The following CDH22 variants were observed in gnomAD, a reference collection of about 807,000 sequenced individuals.
CDH22 encodes the protein cadherin-22.
A neutral mutation model predicts 58.4 loss-of-function variants in CDH22; 30 were observed. The ratio of observed to expected loss-of-function variants is 0.51; its 90% CI spans 0.38 to 0.70. The LOEUF is 0.70. CDH22 is among the 30% of genes least tolerant of loss of function. The pLI, the probability that CDH22 is intolerant of heterozygous loss-of-function variation, is 0.00. For synonymous variants in CDH22, 513 were observed against 558.2 expected (o/e 0.92, Z 1.14); for missense variants, 1,014 against 1,233.9 (o/e 0.82, Z 2.67).
intron 6 of CDH22, among the ~76,000 whole-genome samples, chr20:46,212,669 T>C (rs2086051714): frequency 1.3e-5 from 2 of 152,106 alleles, no homozygotes; most frequent in South Asian, 4.1e-4. Context: ...GAGGGAAATA[T>C]GAGGATTAAA....
intron 4 of CDH22, among the ~76,000 whole-genome samples, chr20:46,217,327 C>A (rs2086093224): frequency 1.3e-5 from 2 of 152,140 alleles, no homozygotes; most frequent in Admixed American, 6.5e-5. Context: ...CAGATGTACA[C>A]ACATGCTCAT....
chr20:46,200,309 C>G (rs890676726), intron 7 of CDH22, among the ~76,000 whole-genome samples: 6 of 151,884 alleles, frequency 4.0e-5, no homozygotes, highest in African/African-American at 1.5e-4. Flanking sequence ...GGGTCTCACT[C>G]TGTTACCCTG....
chr20:46,237,321 C>T (rs1354933862), intron 3 of CDH22, among the ~76,000 whole-genome samples: 11 of 152,142 alleles, frequency 7.2e-5, no homozygotes, highest in Non-Finnish European at 8.8e-5. Flanking sequence ...GGAGGCCCCC[C>T]GGCACACTTC....
intron 1 of CDH22, among the ~76,000 whole-genome samples, chr20:46,262,882 C>G (rs1385756493): frequency 6.6e-6 from 1 of 152,212 alleles, no homozygotes; most frequent in Non-Finnish European, 1.5e-5. Flanking sequence ...ATTCATGCCT[C>G]TGGGCCTTTG....
chr20:46,258,588 C>T (rs558314060), intron 1 of CDH22, among the ~76,000 whole-genome samples: 2 of 152,324 alleles, frequency 1.3e-5, no homozygotes, highest in South Asian at 4.1e-4. Context: ...GCTCCTGTGA[C>T]CTGGCAGATC....
chr20:46,236,561 A>G (rs1403171662), intron 3 of CDH22, among the ~76,000 whole-genome samples: 2 of 138,976 alleles, frequency 1.4e-5, no homozygotes, highest in Non-Finnish European at 3.1e-5. Context: ...AAATATAAAA[A>G]TAAATATATA....
intron 1 of CDH22, among the ~76,000 whole-genome samples, chr20:46,254,659 G>A (rs1381999209): frequency 6.6e-6 from 1 of 152,114 alleles, no homozygotes; most frequent in African/African-American, 2.4e-5. Context: ...TAATTTCAGG[G>A]AGTGGTAAAC....
Position 46,178,072 on chromosome 20 carries a change from T to C in CDH22, c.1789A>G (p.Ile597Val). The change falls in exon 11 of 12, where the codon ATC (isoleucine) becomes GTC (valine). Residue 597 changes from isoleucine to valine, a missense_variant. This residue lies in a region of CDH22 where 806 missense variants were observed against 1,038.7 expected (regional missense o/e 0.78). Transcript: ENST00000537909. ...GAGCTGTCGCAGCCACAGATGCGGATGGTGAGCGTGCCTGTGCTGCTCAGT... is the reference window on the plus strand; with the variant it reads ...GAGCTGTCGCAGCCACAGATGCGGACGGTGAGCGTGCCTGTGCTGCTCAGT... ...PTLSSTGTLT[I>V]RICGCDSSGT... The C allele has an allele frequency of 6.2e-7, 1 of 1,614,070 alleles. No homozygotes were observed. The highest frequency in any genetic ancestry group is 8.5e-7 in the Non-Finnish European group (1 of 1,179,994).
At chr20:46,285,335 C>T (rs2086571505) in intron 1 of CDH22, among the ~76,000 whole-genome samples, 1 of 152,192 alleles carries the variant, frequency 6.6e-6, no homozygotes, top group Non-Finnish European at 1.5e-5. Flanking sequence ...CAATGTAGAC[C>T]TCTGCTGTGC....
chr20:46,270,138 G>A (rs905341661), intron 1 of CDH22, among the ~76,000 whole-genome samples: 1 of 152,176 alleles, frequency 6.6e-6, no homozygotes, highest in African/African-American at 2.4e-5. Context: ...TATTCAGAGA[G>A]CCTAGGGGAA....
intron 1 of CDH22, among the ~76,000 whole-genome samples, chr20:46,266,582 C>T (rs1038512885): frequency 1.3e-5 from 2 of 152,134 alleles, no homozygotes; most frequent in African/African-American, 2.4e-5. Flanking sequence ...TGCACATATT[C>T]GGGATAGTTA....
chr20:46,203,050 C>A (rs1263655446), intron 7 of CDH22, among the ~76,000 whole-genome samples: 1 of 152,196 alleles, frequency 6.6e-6, no homozygotes, highest in East Asian at 1.9e-4. Flanking sequence ...CTTCCTCCTT[C>A]TCCTTTGCCC....
Position 46,308,128 on chromosome 20 carries a change from G to T in CDH22, c.-400+127C>A, listed in dbSNP as rs1360854045. On this transcript the variant is annotated intron_variant, in intron 1 of 11. Coordinates refer to ENST00000537909, the MANE Select transcript of CDH22 (RefSeq NM_021248.3). The surrounding 1 kb of genome is among the most constrained non-coding windows in gnomAD (Gnocchi z 4.3). ...GCGCAGGCACCCCGGCTCCTCCTGC[G>T]GCTGGAGGCTCGCCCCCCGCGCCGC... 6.6e-6 allele frequency: 1 copy of T among 151,104 alleles called. No individual in the cohort carries two copies. Among genetic ancestry groups the T allele is most frequent in the Non-Finnish European group, 1.5e-5 (1 of 67,648 alleles). 9.4% of individuals were successfully genotyped at this position (151,104 alleles called of 1,614,324 possible).
At chr20:46,245,692 TC>T (rs1247471153) in intron 2 of CDH22, among the ~76,000 whole-genome samples, 3 of 152,116 alleles carry the variant, frequency 2.0e-5, no homozygotes, top group Non-Finnish European at 4.4e-5. Flanking sequence ...GTCATCAGAC[TC>T]CCCCAGTTGT....
chr20:46,234,116 C>T lies in CDH22; in HGVS notation c.551-6489G>A, dbSNP rs75837675. ...TTTAAGAATCAGATAGTGTGCTCTCCCAGTTTTACTTTCCTTCCCCTCTTG... is the reference window on the plus strand; with the variant it reads ...TTTAAGAATCAGATAGTGTGCTCTCTCAGTTTTACTTTCCTTCCCCTCTTG... On this transcript the variant is annotated intron_variant, in intron 3 of 11. Transcript: ENST00000537909. 6.1e-3 allele frequency among the ~76,000 whole-genome samples: 931 copies of T among 152,316 alleles called. 10 individuals carry two copies. The highest frequency in any genetic ancestry group is 0.021 in the African/African-American group (886 of 41,552).
chr20:46,206,421 CT>C, intron 7 of CDH22, among the ~76,000 whole-genome samples: 1 of 152,238 alleles, frequency 6.6e-6, no homozygotes, highest in Non-Finnish European at 1.5e-5. Context: ...GAAAAAATCT[CT>C]CTGTACTGTC....
intron 3 of CDH22, among the ~76,000 whole-genome samples, chr20:46,236,568 T>A (rs58894391): frequency 7.0e-6 from 1 of 142,846 alleles, no homozygotes; most frequent in Admixed American, 7.2e-5. Context: ...AAAATAAATA[T>A]ATATTATATA....
chr20:46,182,782 C>T (rs975013347), intron 10 of CDH22, among the ~76,000 whole-genome samples: 1 of 152,222 alleles, frequency 6.6e-6, no homozygotes, highest in Non-Finnish European at 1.5e-5. Context: ...TTATAAATCA[C>T]GTTTCCAAAC....
chr20:46,197,317 T>TATATAC (rs573324791), intron 8 of CDH22, among the ~76,000 whole-genome samples: 226 of 148,342 alleles, frequency 1.5e-3, no homozygotes, highest in African/African-American at 5.3e-3. Context: ...TATATATATA[T>TATATAC]ACATATGAAG....
Sources: allele counts gnomAD v4.1 joint callset (sites outside exome capture counted in the v4.1 genomes callset), GRCh38; gene constraint gnomAD v4.1.1; regional missense constraint gnomAD v4.1.1; non-coding constraint Gnocchi (gnomAD v3.1); transcripts MANE v1.5; gene names NCBI Gene and HGNC (gene_info 2026-07-23, HGNC 2026-07-21).